Variants in SPMIP3 observed in about 807,000 individuals in gnomAD.
SPMIP3 encodes sperm microtubule inner protein 3.
At chr1:244,384,628 A>C in the SPMIP3 span, among the ~76,000 whole-genome samples, 163 of 152,296 alleles carry the variant, frequency 1.1e-3, no homozygotes, top group African/African-American at 3.8e-3. Context: ...GGTCCCAGGC[A>C]TCAGTCATTT....
At chr1:244,363,850 C>T in the SPMIP3 span, among the ~76,000 whole-genome samples, 7 of 152,304 alleles carry the variant, frequency 4.6e-5, no homozygotes, top group African/African-American at 1.7e-4. Context: ...ATCAAGGCAG[C>T]AGCCTCTGCC....
At chr1:244,384,996 G>C in the SPMIP3 span, among the ~76,000 whole-genome samples, 2 of 152,246 alleles carry the variant, frequency 1.3e-5, no homozygotes, top group South Asian at 4.1e-4. Context: ...CCACCTCCCA[G>C]ATTCAAGAGA....
chr1:244,369,337 G>C, the SPMIP3 span, among the ~76,000 whole-genome samples: 4 of 152,144 alleles, frequency 2.6e-5, no homozygotes, highest in Non-Finnish European at 5.9e-5. Flanking sequence ...CGAAGATACA[G>C]AATTTGTGTG....
At chr1:244,379,042 C>T in the SPMIP3 span, among the ~76,000 whole-genome samples, 2 of 152,108 alleles carry the variant, frequency 1.3e-5, no homozygotes, top group Non-Finnish European at 2.9e-5. Flanking sequence ...CATTCTCCTG[C>T]CTCAGCCTCC....
the SPMIP3 span, among the ~76,000 whole-genome samples, chr1:244,353,816 C>T: frequency 2.6e-5 from 4 of 152,188 alleles, no homozygotes; most frequent in Non-Finnish European, 2.9e-5. Flanking sequence ...AAAACAGAAG[C>T]AACAGGGGAC....
chr1:244,381,078 C>T, the SPMIP3 span, among the ~76,000 whole-genome samples: 5 of 151,860 alleles, frequency 3.3e-5, no homozygotes, highest in East Asian at 1.9e-4. Context: ...TAGGGGTTGC[C>T]GTCCCAAGGA....
the SPMIP3 span, among the ~76,000 whole-genome samples, chr1:244,354,727 TTCAA>T: frequency 6.6e-6 from 1 of 152,218 alleles, no homozygotes; most frequent in African/African-American, 2.4e-5. Flanking sequence ...TTAAATGTTT[TTCAA>T]CCAAGTCTTT....
At chr1:244,372,722 C>T in the SPMIP3 span, among the ~76,000 whole-genome samples, 8 of 152,174 alleles carry the variant, frequency 5.3e-5, no homozygotes, top group East Asian at 3.9e-4. Flanking sequence ...GGATTACAGG[C>T]GCGAGCCCAG....
At chr1:244,374,026 T>C in the SPMIP3 span, among the ~76,000 whole-genome samples, 1 of 152,026 alleles carries the variant, frequency 6.6e-6, no homozygotes, top group Admixed American at 6.5e-5. Context: ...GGCAGGAGAA[T>C]CACTTGAACT....
At chr1:244,386,695 G>A in the SPMIP3 span, among the ~76,000 whole-genome samples, 4 of 152,154 alleles carry the variant, frequency 2.6e-5, no homozygotes, top group Admixed American at 6.5e-5. Flanking sequence ...GATCACACTC[G>A]ATTAAATCTA....
At chr1:244,380,092 T>G in the SPMIP3 span, among the ~76,000 whole-genome samples, 64 of 151,820 alleles carry the variant, frequency 4.2e-4, no homozygotes, top group African/African-American at 1.5e-3. Flanking sequence ...TTTTAGTTCT[T>G]GGGATGAATT....
the SPMIP3 span, among the ~76,000 whole-genome samples, chr1:244,383,375 G>A: frequency 1.3e-5 from 2 of 152,210 alleles, no homozygotes; most frequent in South Asian, 4.2e-4. Flanking sequence ...TTAACTGGGT[G>A]TAGTGGCCCC....
At chr1:244,357,262 G>A in the SPMIP3 span, among the ~76,000 whole-genome samples, 4 of 125,238 alleles carry the variant, frequency 3.2e-5, no homozygotes, top group African/African-American at 8.6e-5. Flanking sequence ...ATAAGTAAAC[G>A]TACAGTATGG....
At chr1:244,360,832 T>A in the SPMIP3 span, among the ~76,000 whole-genome samples, 1 of 147,902 alleles carries the variant, frequency 6.8e-6, no homozygotes, top group Non-Finnish European at 1.5e-5. Context: ...TGCAGTGAGC[T>A]GAGATTGCGC....
At chr1:244,364,154 G>C in the SPMIP3 span, among the ~76,000 whole-genome samples, 3 of 151,940 alleles carry the variant, frequency 2.0e-5, no homozygotes, top group African/African-American at 7.2e-5. Flanking sequence ...GCCCTGGCTG[G>C]AGCGCAGTGG....
At chr1:244,375,555 C>G in the SPMIP3 span, 1 of 872,158 alleles carries the variant, frequency 1.1e-6, no homozygotes, top group Non-Finnish European at 1.8e-6. Flanking sequence ...ATACACTACT[C>G]CTCATAATAC....
the SPMIP3 span, chr1:244,389,399 A>G: frequency 6.0e-6 from 1 of 165,460 alleles, no homozygotes; most frequent in Admixed American, 5.9e-5. Context: ...GGGAAAAATA[A>G]AAAAAAGAAC....
At chr1:244,387,521 G>A in the SPMIP3 span, among the ~76,000 whole-genome samples, 1 of 148,356 alleles carries the variant, frequency 6.7e-6, no homozygotes, top group Non-Finnish European at 1.5e-5. Context: ...GTAGACATGT[G>A]AAATCTCAAG....
the SPMIP3 span, among the ~76,000 whole-genome samples, chr1:244,363,008 T>TC: frequency 1.5e-5 from 2 of 132,206 alleles, no homozygotes; most frequent in African/African-American, 6.4e-5. Context: ...CACACCAGGC[T>TC]TTTTTTTTTG....
Sources: allele counts gnomAD v4.1 joint callset (sites outside exome capture counted in the v4.1 genomes callset), GRCh38; gene constraint gnomAD v4.1.1; transcripts MANE v1.5; gene names NCBI Gene and HGNC (gene_info 2026-07-23, HGNC 2026-07-21).